CTNNA3: variants seen among roughly 807,000 people sequenced by gnomAD.
The protein encoded by CTNNA3 is catenin alpha 3.
A neutral mutation model predicts 95.7 loss-of-function variants in CTNNA3; 76 were observed. The ratio of observed to expected loss-of-function variants is 0.79; its 90% confidence interval spans 0.66 to 0.96. CTNNA3 has a LOEUF of 0.96. CTNNA3 is among the 40% of genes least tolerant of loss of function. The probability of loss-of-function intolerance (pLI) is 0.00; values close to 1 mark genes in which losing one functional copy is unlikely to be tolerated. For synonymous variants in CTNNA3, 431 were observed against 374.4 expected, an observed-to-expected ratio of 1.15 and a Z score of -1.74; for missense variants, 1,191 against 1,089.8, an observed-to-expected ratio of 1.09 and a Z score of -1.31.
intron 13 of CTNNA3, among the ~76,000 whole-genome samples, chr10:66,250,970 C>A (rs1262815652): frequency 6.6e-6 from 1 of 152,172 alleles, no homozygotes; most frequent in Middle Eastern, 3.2e-3. Flanking sequence ...ACTGTATGTT[C>A]TATACCTCTC....
chr10:66,871,461 C>T (rs1399614858), intron 7 of CTNNA3, among the ~76,000 whole-genome samples: 1 of 149,300 alleles, frequency 6.7e-6, no homozygotes, highest in African/African-American at 2.5e-5. Context: ...ACTCGGGAGG[C>T]TGACGCAGGA....
At chr10:66,165,224 T>C (rs60728213) in intron 13 of CTNNA3, among the ~76,000 whole-genome samples, 31,380 of 151,968 alleles carry the variant, frequency 0.21, 3,360 homozygotes, top group South Asian at 0.4. Context: ...ATAGGTTTCA[T>C]ACAGCTAAAG....
At chr10:66,433,697 T>C (rs1422459771) in intron 11 of CTNNA3, among the ~76,000 whole-genome samples, 1 of 152,226 alleles carries the variant, frequency 6.6e-6, no homozygotes, top group Non-Finnish European at 1.5e-5. Flanking sequence ...CTTTGGTGTT[T>C]TAGTCATGAA....
At chr10:67,344,476 C>T (rs1312685460) in intron 5 of CTNNA3, among the ~76,000 whole-genome samples, 1 of 152,036 alleles carries the variant, frequency 6.6e-6, no homozygotes, top group Non-Finnish European at 1.5e-5. Flanking sequence ...GCCACTGGGT[C>T]TGGGCTTTTC....
intron 13 of CTNNA3, among the ~76,000 whole-genome samples, chr10:66,178,915 G>C (rs1247745110): frequency 6.6e-6 from 1 of 151,924 alleles, no homozygotes; most frequent in Non-Finnish European, 1.5e-5. Flanking sequence ...CAATGTTAGT[G>C]ATGACACAGA....
At chr10:67,686,510 G>A (rs1001255491) in intron 1 of CTNNA3, among the ~76,000 whole-genome samples, 2 of 152,130 alleles carry the variant, frequency 1.3e-5, no homozygotes, top group African/African-American at 4.8e-5. Flanking sequence ...TGAAGCACTG[G>A]TCCCTCAAGG....
At chr10:67,422,089 T>G (rs971700795) in intron 5 of CTNNA3, among the ~76,000 whole-genome samples, 6 of 151,582 alleles carry the variant, frequency 4.0e-5, no homozygotes, top group African/African-American at 1.5e-4. Context: ...TCTTCCACAT[T>G]AAATGAAACT....
chr10:67,743,011 T>C (rs1016479368), intron 1 of CTNNA3, among the ~76,000 whole-genome samples: 1 of 151,212 alleles, frequency 6.6e-6, no homozygotes, highest in Non-Finnish European at 1.5e-5. Context: ...CAATAATCAA[T>C]AGCTTACCAA....
intron 13 of CTNNA3, among the ~76,000 whole-genome samples, chr10:66,208,851 A>G (rs1412417346): frequency 6.6e-6 from 1 of 152,046 alleles, no homozygotes; most frequent in Admixed American, 6.6e-5. Context: ...GATTTCTTCC[A>G]TCCTAGTCAC....
chr10:66,197,336 CTCTATCTATCTATCTATCTATCTA>C (rs200815679), intron 13 of CTNNA3, among the ~76,000 whole-genome samples: 2 of 148,052 alleles, frequency 1.4e-5, no homozygotes, highest in Non-Finnish European at 3.0e-5. Flanking sequence ...CAATCCAAAT[CTCTATCTATCTATCTATCTATCTA>C]TCTATCTATC....
At chr10:66,414,848 C>T (rs1285313364) in intron 11 of CTNNA3, among the ~76,000 whole-genome samples, 1 of 152,092 alleles carries the variant, frequency 6.6e-6, no homozygotes, top group Non-Finnish European at 1.5e-5. Flanking sequence ...AGAGCACCAT[C>T]CCCAGCAAAC....
intron 8 of CTNNA3, 91 bp downstream of exon 8, chr10:66,775,353 A>T (rs878890781): frequency 4.8e-6 from 4 of 832,782 alleles, no homozygotes; most frequent in South Asian, 3.7e-5. Flanking sequence ...TTAATTTGAA[A>T]GGAACAAAAC....
At chr10:66,375,282 AGAGTTCAAGAAGGTAAACT>A (rs1274180470) in intron 12 of CTNNA3, among the ~76,000 whole-genome samples, 1 of 152,056 alleles carries the variant, frequency 6.6e-6, no homozygotes, top group Admixed American at 6.6e-5. Context: ...AAATTCCTCC[AGAGTTCAAGAAGGTAAACT>A]GAGTGAAGAA....
intron 7 of CTNNA3, among the ~76,000 whole-genome samples, chr10:67,056,342 T>C (rs1191528293): frequency 6.6e-6 from 1 of 152,192 alleles, no homozygotes; most frequent in African/African-American, 2.4e-5. Context: ...GTTACTTCTA[T>C]GCATAATTGG....
At chr10:66,541,990 C>G (rs1048406957) in intron 10 of CTNNA3, among the ~76,000 whole-genome samples, 6 of 152,078 alleles carry the variant, frequency 3.9e-5, no homozygotes, top group Non-Finnish European at 1.5e-5. Flanking sequence ...ATCTGCTTAT[C>G]TGACAAAGAG....
intron 7 of CTNNA3, among the ~76,000 whole-genome samples, chr10:66,957,199 T>TC: frequency 6.6e-6 from 1 of 152,124 alleles, no homozygotes; most frequent in South Asian, 2.1e-4. Context: ...TTATCAAAGA[T>TC]ATCTCCCACA....
chr10:67,216,077 G>T (rs556820716), intron 6 of CTNNA3, among the ~76,000 whole-genome samples: 21 of 152,092 alleles, frequency 1.4e-4, no homozygotes, highest in Non-Finnish European at 2.4e-4. Context: ...ATATTAATGT[G>T]CTTCTAGATA....
intron 14 of CTNNA3, among the ~76,000 whole-genome samples, chr10:66,096,925 G>C (rs2081416007): frequency 6.6e-6 from 1 of 152,152 alleles, no homozygotes; most frequent in Non-Finnish European, 1.5e-5. Context: ...CCACAAGGAA[G>C]AAAAACTCCC....
rs1331919107 is a variant in CTNNA3, at chr10:67,422,602, T to C, written c.579+99240A>G. 2.6e-5 allele frequency among the ~76,000 whole-genome samples: 4 copies of C among 152,194 alleles called. No individual in the cohort carries two copies. The East Asian group carries it at 7.7e-4, about 29-fold the overall frequency. On this transcript the variant is annotated intron_variant, in intron 5 of 17. Coordinates refer to ENST00000433211, the MANE Select transcript of CTNNA3 (RefSeq NM_013266.4). ...GAGGTGATTGGATCATGGGGGTGGATTTCCCCCTTGCTGTTCTCATGATAG... is the reference window on the plus strand; with the variant it reads ...GAGGTGATTGGATCATGGGGGTGGACTTCCCCCTTGCTGTTCTCATGATAG...
Sources: gnomAD v4.1 joint callset for allele counts (sites outside exome capture counted in the v4.1 genomes callset) on GRCh38, gnomAD v4.1.1 for gene constraint, MANE v1.5 for transcripts, NCBI Gene and HGNC (gene_info 2026-07-23, HGNC 2026-07-21) for gene names.